Variants in FBXW11 observed in about 807,000 individuals in gnomAD.
FBXW11 encodes the protein F-box and WD repeat domain containing 11.
FBXW11 carries 19 observed loss-of-function variants against 77.6 expected under a neutral mutation model. That is an observed-to-expected ratio of 0.24 (90% CI 0.17 to 0.36). The LOEUF (loss-of-function observed/expected upper bound fraction) is 0.36. Ranked by LOEUF, FBXW11 falls within the 10% of genes least tolerant of loss-of-function variation. FBXW11 has a pLI of 1.00. For missense variants in FBXW11, 334 were observed against 704.2 expected (o/e 0.47, Z 5.95); for synonymous variants, 235 against 249.4 (o/e 0.94, Z 0.54).
intron 6 of FBXW11, among the ~76,000 whole-genome samples, chr5:171,892,206 TAA>T (rs919957818): frequency 1.1e-4 from 17 of 152,126 alleles, no homozygotes; most frequent in African/African-American, 3.4e-4. Context: ...GCACTGAGGA[TAA>T]AAAGATCAAC....
At chr5:171,970,732 G>A (rs1337221660) in intron 1 of FBXW11, among the ~76,000 whole-genome samples, 1 of 152,164 alleles carries the variant, frequency 6.6e-6, no homozygotes, top group African/African-American at 2.4e-5. Flanking sequence ...CATGAAAAGC[G>A]AGTTGTCAAA....
intron 6 of FBXW11, among the ~76,000 whole-genome samples, chr5:171,898,241 G>A (rs1435814008): frequency 6.6e-6 from 1 of 152,120 alleles, no homozygotes; most frequent in Non-Finnish European, 1.5e-5. Flanking sequence ...CTTCACATTT[G>A]GGAAACTGAG....
At chr5:171,917,897 T>C (rs1761357379) in intron 2 of FBXW11, among the ~76,000 whole-genome samples, 1 of 152,196 alleles carries the variant, frequency 6.6e-6, no homozygotes, top group African/African-American at 2.4e-5. Context: ...TAATATACTA[T>C]TATTTTAAAA....
At chr5:171,984,338 T>C (rs1389535141) in intron 1 of FBXW11, among the ~76,000 whole-genome samples, 2 of 152,258 alleles carry the variant, frequency 1.3e-5, no homozygotes, top group African/African-American at 2.4e-5. Context: ...AACATACCTA[T>C]ACAAATGCTC....
intron 1 of FBXW11, among the ~76,000 whole-genome samples, chr5:171,994,064 C>T (rs897724273): frequency 1.3e-5 from 2 of 152,194 alleles, no homozygotes; most frequent in Non-Finnish European, 1.5e-5. Flanking sequence ...GAGAGCTAGA[C>T]TGTTTTCTAC....
chr5:171,909,817 G>T (rs1329691131), intron 4 of FBXW11, among the ~76,000 whole-genome samples: 1 of 152,044 alleles, frequency 6.6e-6, no homozygotes, highest in Non-Finnish European at 1.5e-5. Flanking sequence ...ATAAAGACAT[G>T]CTACCAGTTT....
chr5:171,960,281 G>A (rs1331079358), intron 1 of FBXW11, among the ~76,000 whole-genome samples: 2 of 152,156 alleles, frequency 1.3e-5, no homozygotes, highest in Non-Finnish European at 2.9e-5. Flanking sequence ...AGGCTGGGGT[G>A]GGAGGATTGC....
chr5:171,929,300 G>A lies in FBXW11; in HGVS notation c.148-14895C>T, dbSNP rs150397366. The stretch of plus-strand genomic sequence containing the variant: ...CACAAGAATCACTTGAACCCTCAAG[G>A]AGGAGGTTACAGTGAGCCAAGATCG... On this transcript the variant is annotated intron_variant, in intron 2 of 13. Transcript: ENST00000517395. Among the ~76,000 whole-genome samples, 389 of 149,882 alleles carry A rather than the reference G, an allele frequency of 2.6e-3. 2 individuals carry two copies. Among genetic ancestry groups the A allele is most frequent in the African/African-American group, 9.3e-3 (377 of 40,734 alleles).
intron 6 of FBXW11, among the ~76,000 whole-genome samples, chr5:171,894,389 AGTTT>A (rs1332916073): frequency 6.6e-6 from 1 of 152,262 alleles, no homozygotes; most frequent in Non-Finnish European, 1.5e-5. Flanking sequence ...TAAAAGAAAT[AGTTT>A]GTCAACCAAT....
At chr5:171,950,048 G>T (rs1418185542) in intron 2 of FBXW11, among the ~76,000 whole-genome samples, 2 of 152,072 alleles carry the variant, frequency 1.3e-5, no homozygotes, top group African/African-American at 4.8e-5. Context: ...GTCTTAATAT[G>T]GAAGGGAAGT....
rs958008522 is a variant in FBXW11, at chr5:171,973,061, A to T, written c.46-15363T>A. 2.0e-5 allele frequency among the ~76,000 whole-genome samples: 3 copies of T among 152,218 alleles called. No homozygotes were observed. In the South Asian group the frequency reaches 6.2e-4, roughly 32 times the overall value. On this transcript the variant is annotated intron_variant, in intron 1 of 13. Coordinates refer to ENST00000517395, the MANE Select transcript of FBXW11 (RefSeq NM_001378974.1). ...CTTGGAAAGAATACAGAATATCACA[A>T]AAGAGAGAGTACTGTGGCACAGTGG...
At chr5:171,930,762 TAA>T (rs59700625) in intron 2 of FBXW11, among the ~76,000 whole-genome samples, 47 of 126,548 alleles carry the variant, frequency 3.7e-4, no homozygotes, top group African/African-American at 1.4e-3. Context: ...AATAAAAAAA[TAA>T]AAAAAAAAAA....
intron 4 of FBXW11, among the ~76,000 whole-genome samples, chr5:171,909,376 C>G (rs1760740746): frequency 6.6e-6 from 1 of 152,160 alleles, no homozygotes; most frequent in African/African-American, 2.4e-5. Context: ...ACAGTGAAAC[C>G]ATTCTGTAGG....
intron 1 of FBXW11, among the ~76,000 whole-genome samples, chr5:171,967,319 T>C (rs920389819): frequency 1.2e-4 from 19 of 152,122 alleles, no homozygotes; most frequent in Non-Finnish European, 2.1e-4. Flanking sequence ...AAAGGGAAAA[T>C]GCTAACCAAA....
At chr5:171,963,824 A>G (rs1352144159) in intron 1 of FBXW11, among the ~76,000 whole-genome samples, 1 of 152,234 alleles carries the variant, frequency 6.6e-6, no homozygotes, top group Non-Finnish European at 1.5e-5. Context: ...GCCGCAAACG[A>G]TAAAAGAAGT....
At chr5:171,909,261 C>G (rs1259134967) in intron 4 of FBXW11, among the ~76,000 whole-genome samples, 1 of 152,082 alleles carries the variant, frequency 6.6e-6, no homozygotes, top group Non-Finnish European at 1.5e-5. Flanking sequence ...CAGCCTGGCC[C>G]ACACAGCAAG....
intron 1 of FBXW11, among the ~76,000 whole-genome samples, chr5:171,967,871 T>C (rs866301128): frequency 0.011 from 1,175 of 110,878 alleles, 52 homozygotes; most frequent in African/African-American, 0.04. Context: ...TATATATATA[T>C]ATATATATAT....
intron 6 of FBXW11, among the ~76,000 whole-genome samples, chr5:171,894,802 A>G (rs1759630244): frequency 1.3e-5 from 2 of 152,164 alleles, no homozygotes; most frequent in African/African-American, 4.8e-5. Context: ...TCGCTGCTGT[A>G]AAGATGGGAA....
intron 2 of FBXW11, among the ~76,000 whole-genome samples, chr5:171,934,370 T>C (rs1762365340): frequency 6.6e-6 from 1 of 152,044 alleles, no homozygotes; most frequent in Non-Finnish European, 1.5e-5. Flanking sequence ...ATAAAGCAAA[T>C]GAAAATTTTA....
Sources: allele counts gnomAD v4.1 joint callset (sites outside exome capture counted in the v4.1 genomes callset), GRCh38; gene constraint gnomAD v4.1.1; transcripts MANE v1.5; gene names NCBI Gene and HGNC (gene_info 2026-07-23, HGNC 2026-07-21).